The following ANKRD36B variants were observed in gnomAD, a reference collection of about 807,000 sequenced individuals.
ANKRD36B encodes ankyrin repeat domain 36B, also known as ankyrin repeat domain-containing protein 36B.
Under a neutral mutation model 135.7 loss-of-function variants are expected in ANKRD36B, and 37 were observed. The observed-to-expected ratio is 0.27, with a 90% CI of 0.21 to 0.36. The LOEUF is 0.36. Ranked by LOEUF, ANKRD36B falls within the 10% of genes least tolerant of loss-of-function variation. The pLI is 1.00. For missense variants in ANKRD36B, 549 were observed against 1,037.1 expected, an observed-to-expected ratio of 0.53 and a Z score of 6.46; for synonymous variants, 179 against 348.1, an observed-to-expected ratio of 0.51 and a Z score of 5.41.
At chr2:97,549,013 C>T (rs1426436609) in intron 20 of ANKRD36B, among the ~76,000 whole-genome samples, 5 of 151,828 alleles carry the variant, frequency 3.3e-5, no homozygotes, top group African/African-American at 1.2e-4. Context: ...ACAGTGTGTA[C>T]GGGTTATTAC....
At chr2:97,554,565 A>T (rs1275251583) in intron 14 of ANKRD36B, among the ~76,000 whole-genome samples, 3 of 151,898 alleles carry the variant, frequency 2.0e-5, no homozygotes, top group Non-Finnish European at 4.4e-5. Context: ...TTACATAAAT[A>T]ACTTCATCTT....
chr2:97,560,361 A>G lies in ANKRD36B; in HGVS notation c.865+304T>C, dbSNP rs144230737. 3.9e-3 allele frequency among the ~76,000 whole-genome samples: 599 copies of G among 151,902 alleles called. 5 individuals carry two copies. Among genetic ancestry groups the G allele is most frequent in the East Asian group, 0.013 (65 of 5,152 alleles). ...TCATCTCATTCTCTTTCCCCTCTTG[A>G]TGGAAACATGCTGTAAAATTAAAGT... On this transcript the variant is annotated intron_variant, in intron 8 of 43. Coordinates refer to ENST00000359901, the MANE Select transcript of ANKRD36B (RefSeq NM_001393939.1).
rs547829042 is a variant in ANKRD36B, at chr2:97,545,523, C to T, written c.1681+143G>A. Reference sequence around the variant, plus strand: ...CAAGGACCACAGCATCAGGGTCACCCGAGAACTTATTACAAATGAATAATC... The same window carrying T: ...CAAGGACCACAGCATCAGGGTCACCTGAGAACTTATTACAAATGAATAATC... On this transcript the variant is annotated intron_variant, in intron 24 of 43. Coordinates refer to ENST00000359901, the MANE Select transcript of ANKRD36B (RefSeq NM_001393939.1). The T allele has an allele frequency of 1.4e-5, 7 of 499,518 alleles. 1 individual carries two copies. Among genetic ancestry groups the T allele is most frequent in the African/African-American group, 6.5e-5 (3 of 46,454 alleles). The allele number at this position is 499,518 out of a possible 1,614,324, so 30.9% of individuals were successfully genotyped here. A position where few individuals can be genotyped will look rare whatever the true frequency, so the allele number is the denominator to read the frequency against.
In ANKRD36B at chr2:97,544,762, A is replaced by C. The variant is rs1418591711; in HGVS notation, c.1682-777T>G. ...TTAATAAGTTTAACATTCAGAAATC[A>C]ATCAAATATTCATTGAAAGGACCAC... On this transcript the variant is annotated intron_variant, in intron 24 of 43. Transcript: ENST00000359901. Among the ~76,000 whole-genome samples, 2 of 96,830 alleles carry C rather than the reference A, an allele frequency of 2.1e-5. 1 individual carries two copies. The highest frequency in any genetic ancestry group is 6.2e-5 in the African/African-American group (2 of 32,508). The allele number at this position is 96,830 out of a possible 152,430, so 63.5% of individuals were successfully genotyped here.
At chr2:97,526,164 C>A (rs1420658395) in intron 35 of ANKRD36B, among the ~76,000 whole-genome samples, 2 of 58,344 alleles carry the variant, frequency 3.4e-5, no homozygotes, top group African/African-American at 3.4e-4. Context: ...CCAGTAGGGG[C>A]AGACTGAACC....
At chr2:97,547,998 C>G (rs1408903327) in intron 20 of ANKRD36B, among the ~76,000 whole-genome samples, 1 of 151,736 alleles carries the variant, frequency 6.6e-6, no homozygotes, top group Non-Finnish European at 1.5e-5. Context: ...TCAATATCAA[C>G]GTGGATATGC....
intron 14 of ANKRD36B, 105 bp downstream of exon 14, chr2:97,554,955 T>C (rs1234289735): frequency 7.1e-7 from 1 of 1,401,192 alleles, no homozygotes; most frequent in Non-Finnish European, 9.9e-7. Context: ...GCCTGCTGAA[T>C]CAGAATGTGC....
rs2077685707 is a variant in ANKRD36B, at chr2:97,514,042, C to G, written c.2622-679G>C. Among the ~76,000 whole-genome samples the G allele has an allele frequency of 2.2e-5, 3 of 134,288 alleles. No homozygotes were observed. In the South Asian group the frequency reaches 6.4e-4, roughly 29 times the overall value. The allele number at this position is 134,288 out of a possible 152,430, so 88.1% of individuals were successfully genotyped here. On this transcript the variant is annotated intron_variant, in intron 37 of 43. Transcript: ENST00000359901. ...CAAGCTGCACCCCGACCACTTCGGG[C>G]ACATGTTCTCAGGACCTCCTGAGGG...
At chr2:97,587,512 A>G in intron 1 of ANKRD36B, among the ~76,000 whole-genome samples, 1 of 152,170 alleles carries the variant, frequency 6.6e-6, no homozygotes, top group Non-Finnish European at 1.5e-5. Context: ...AAGGTCCCAT[A>G]TTGTCCCATC....
Position 97,562,833 on chromosome 2 carries a change from T to C in ANKRD36B, c.764-1973A>G, listed in dbSNP as rs557634077. 5.9e-5 allele frequency among the ~76,000 whole-genome samples: 9 copies of C among 152,108 alleles called. 1 individual carries two copies. The highest frequency in any genetic ancestry group is 5.2e-4 in the Admixed American group (8 of 15,248). On this transcript the variant is annotated intron_variant, in intron 6 of 43. Transcript: ENST00000359901. ...TGACTAATGTGTACAAATTCCTTCT[T>C]CACAAAAGCAGCCCCATGGCCTCCT...
intron 6 of ANKRD36B, among the ~76,000 whole-genome samples, chr2:97,566,547 A>G (rs1230081186): frequency 6.6e-6 from 1 of 152,162 alleles, no homozygotes; most frequent in Admixed American, 6.6e-5. Context: ...TACTTATCAA[A>G]TGCAAAGAAG....
chr2:97,540,865 C>T (rs1169656307), intron 28 of ANKRD36B, among the ~76,000 whole-genome samples: 3 of 96,082 alleles, frequency 3.1e-5, no homozygotes, highest in African/African-American at 9.3e-5. Flanking sequence ...TTTAGCTTTC[C>T]AAAAGTTTCT....
Position 97,538,970 on chromosome 2 carries a change from A to T in ANKRD36B, c.1988-607T>A, listed in dbSNP as rs1396268218. 2.1e-5 allele frequency among the ~76,000 whole-genome samples: 2 copies of T among 96,598 alleles called. 1 individual carries two copies. The highest frequency in any genetic ancestry group is 5.5e-5 in the Non-Finnish European group (2 of 36,402). 63.4% of individuals were successfully genotyped at this position (96,598 alleles called of 152,430 possible). A position where few individuals can be genotyped will look rare whatever the true frequency, so the allele number is the denominator to read the frequency against. The stretch of plus-strand genomic sequence containing the variant: ...ACCCATGTGGTGTAATAATGTGCCT[A>T]CATTTGTTGTGTCCTCTAGTTTAGG... On this transcript the variant is annotated intron_variant, in intron 30 of 43. Coordinates refer to ENST00000359901, the MANE Select transcript of ANKRD36B (RefSeq NM_001393939.1).
rs2082702587 is a variant in ANKRD36B, at chr2:97,582,647, T to C, written c.451-2079A>G. Among the ~76,000 whole-genome samples the C allele has an allele frequency of 2.0e-5, 3 of 152,344 alleles. No homozygotes were observed. The South Asian group carries it at 6.2e-4, about 32-fold the overall frequency. On this transcript the variant is annotated intron_variant, in intron 3 of 43. Transcript: ENST00000359901. ...AATTTGTAGACGCAAACTAAACACA[T>C]GTATGGGACACATTTGGACTATATA...
intron 1 of ANKRD36B, among the ~76,000 whole-genome samples, chr2:97,585,739 C>A (rs2082934014): frequency 6.6e-6 from 1 of 152,212 alleles, no homozygotes; most frequent in Non-Finnish European, 1.5e-5. Flanking sequence ...CTATGCACAG[C>A]ATTTAGAACA....
chr2:97,585,753 T>C (rs2082935431), intron 1 of ANKRD36B, among the ~76,000 whole-genome samples: 1 of 152,228 alleles, frequency 6.6e-6, no homozygotes, highest in Admixed American at 6.5e-5. Context: ...TAGAACACTT[T>C]CTAACACAAA....
At chr2:97,579,621 A>G (rs955208923) in intron 4 of ANKRD36B, among the ~76,000 whole-genome samples, 76 of 128,964 alleles carry the variant, frequency 5.9e-4, no homozygotes, top group Middle Eastern at 7.9e-3. Context: ...TATATTATAT[A>G]TAATCTATAA....
intron 5 of ANKRD36B, among the ~76,000 whole-genome samples, chr2:97,578,090 T>C (rs1437526476): frequency 2.0e-5 from 3 of 152,140 alleles, no homozygotes; most frequent in African/African-American, 7.2e-5. Flanking sequence ...CAGGTTAAAA[T>C]GTGGGCTTTA....
chr2:97,568,302 A>T (rs1405964386), intron 6 of ANKRD36B, among the ~76,000 whole-genome samples: 1 of 152,090 alleles, frequency 6.6e-6, no homozygotes, highest in African/African-American at 2.4e-5. Flanking sequence ...TCTTCAGTTT[A>T]AACTATTTAG....
Sources: allele counts gnomAD v4.1 joint callset (sites outside exome capture counted in the v4.1 genomes callset), GRCh38; gene constraint gnomAD v4.1.1; transcripts MANE v1.5; gene names NCBI Gene and HGNC (gene_info 2026-07-23, HGNC 2026-07-21).